Variants in SLC44A5 observed in about 807,000 individuals in gnomAD.
SLC44A5 encodes the protein solute carrier family 44 member 5.
A neutral mutation model predicts 101.8 loss-of-function variants in SLC44A5; 57 were observed. The ratio of observed to expected loss-of-function variants is 0.56; its 90% CI spans 0.45 to 0.70. SLC44A5 has a LOEUF of 0.70. SLC44A5 is among the 30% of genes least tolerant of loss of function. The pLI, the probability that SLC44A5 is intolerant of heterozygous loss-of-function variation, is 0.00. For missense variants in SLC44A5, 737 were observed against 853.1 expected, an observed-to-expected ratio of 0.86 and a Z score of 1.70; for synonymous variants, 281 against 290.9, an observed-to-expected ratio of 0.97 and a Z score of 0.35.
chr1:75,607,013 T>C (rs966986242), intron 1 of SLC44A5, among the ~76,000 whole-genome samples: 1 of 152,050 alleles, frequency 6.6e-6, no homozygotes, highest in African/African-American at 2.4e-5. Context: ...ATACCACCAA[T>C]GTTCTGATGA....
the SLC44A5 span, among the ~76,000 whole-genome samples, chr1:75,678,339 C>T: frequency 6.6e-6 from 1 of 152,188 alleles, no homozygotes; most frequent in Non-Finnish European, 1.5e-5. Context: ...ACAGCAGTAA[C>T]CTCTGCAGAC....
chr1:75,365,701 G>A (rs565576669), intron 3 of SLC44A5, among the ~76,000 whole-genome samples: 3 of 152,138 alleles, frequency 2.0e-5, no homozygotes, highest in Non-Finnish European at 4.4e-5. Context: ...GGAATACTAT[G>A]CAGCCATAAA....
intron 1 of SLC44A5, among the ~76,000 whole-genome samples, chr1:75,563,471 T>C (rs1478766761): frequency 1.3e-5 from 2 of 151,824 alleles, no homozygotes; most frequent in African/African-American, 4.8e-5. Context: ...TGAAATTTTC[T>C]ACTGTATCAT....
the SLC44A5 span, among the ~76,000 whole-genome samples, chr1:75,649,114 G>T: frequency 6.6e-6 from 1 of 152,296 alleles, no homozygotes; most frequent in African/African-American, 2.4e-5. Flanking sequence ...TCTTTACAAT[G>T]ATGACCCAGA....
At chr1:75,585,590 A>G (rs1673946349) in intron 1 of SLC44A5, among the ~76,000 whole-genome samples, 1 of 152,152 alleles carries the variant, frequency 6.6e-6, no homozygotes, top group Non-Finnish European at 1.5e-5. Context: ...CCCACAGCTG[A>G]GAACCACTAT....
intron 2 of SLC44A5, among the ~76,000 whole-genome samples, chr1:75,443,886 T>C (rs1665349057): frequency 6.6e-6 from 1 of 151,942 alleles, no homozygotes; most frequent in African/African-American, 2.4e-5. Context: ...CATTTAAAAA[T>C]AGAAAAATTT....
At chr1:75,507,965 C>A (rs1266276307) in intron 2 of SLC44A5, among the ~76,000 whole-genome samples, 1 of 152,000 alleles carries the variant, frequency 6.6e-6, no homozygotes, top group African/African-American at 2.4e-5. Context: ...GTTAGATAGA[C>A]CATCAAGACA....
At chr1:75,350,215 C>A (rs887298983) in intron 3 of SLC44A5, among the ~76,000 whole-genome samples, 1 of 151,826 alleles carries the variant, frequency 6.6e-6, no homozygotes, top group African/African-American at 2.4e-5. Context: ...GGAAAGGAGA[C>A]CAGTGGTCTC....
At chr1:75,485,843 C>A (rs895880960) in intron 2 of SLC44A5, among the ~76,000 whole-genome samples, 2 of 152,124 alleles carry the variant, frequency 1.3e-5, no homozygotes, top group Non-Finnish European at 2.9e-5. Flanking sequence ...GCAAGGCACA[C>A]TTTACATAGT....
intron 4 of SLC44A5, among the ~76,000 whole-genome samples, chr1:75,312,596 G>T (rs1655392462): frequency 1.3e-5 from 2 of 151,800 alleles, no homozygotes; most frequent in African/African-American, 4.8e-5. Context: ...TTTTGATGTA[G>T]CCCCTCGATC....
At chr1:75,414,250 T>C (rs1255269743) in intron 2 of SLC44A5, among the ~76,000 whole-genome samples, 4 of 151,872 alleles carry the variant, frequency 2.6e-5, no homozygotes. Context: ...ATTTGAATTG[T>C]TATAACACCT....
At chr1:75,590,830 C>T (rs1390104390) in intron 1 of SLC44A5, among the ~76,000 whole-genome samples, 1 of 152,148 alleles carries the variant, frequency 6.6e-6, no homozygotes, top group African/African-American at 2.4e-5. Flanking sequence ...GATTCTAGTG[C>T]CTGACTCCCA....
chr1:75,542,557 G>A (rs1671414107), intron 1 of SLC44A5, among the ~76,000 whole-genome samples: 1 of 151,966 alleles, frequency 6.6e-6, no homozygotes, highest in Admixed American at 6.6e-5. Context: ...GGGTCAAAAA[G>A]GTAGTCTCTC....
rs771943753 is a variant in SLC44A5, at chr1:75,213,892, TTTA to T, written c.1873+24_1873+26del. ...TCCAAGCATCTTTTAAACTTTTTTT[TTTA>T]TTATTTTCATCATGATTACTTACCT... On this transcript the variant is annotated intron_variant, in intron 21 of 23. Coordinates refer to ENST00000370859, the MANE Select transcript of SLC44A5 (RefSeq NM_001130058.2). 1.9e-6 allele frequency: 3 copies of T among 1,547,534 alleles called. No homozygotes were observed. The South Asian group carries it at 3.6e-5, about 18-fold the overall frequency.
At chr1:75,535,463 G>T (rs1670946511) in intron 2 of SLC44A5, among the ~76,000 whole-genome samples, 1 of 152,028 alleles carries the variant, frequency 6.6e-6, no homozygotes, top group African/African-American at 2.4e-5. Flanking sequence ...AATGCCAAAG[G>T]CCCTCAGAAA....
the SLC44A5 span, among the ~76,000 whole-genome samples, chr1:75,671,920 G>A: frequency 8.6e-5 from 13 of 152,028 alleles, no homozygotes; most frequent in African/African-American, 1.9e-4. Context: ...CCTAATATGC[G>A]TTAATGGAAG....
At chr1:75,680,649 A>G in the SLC44A5 span, among the ~76,000 whole-genome samples, 2 of 150,924 alleles carry the variant, frequency 1.3e-5, no homozygotes, top group African/African-American at 4.8e-5. Flanking sequence ...AATGCCCACA[A>G]GAGAAAGCAG....
At chr1:75,214,321 G>C (rs1221741036) in intron 20 of SLC44A5, among the ~76,000 whole-genome samples, 1 of 151,942 alleles carries the variant, frequency 6.6e-6, no homozygotes, top group African/African-American at 2.4e-5. Flanking sequence ...CTGGGAGGGG[G>C]AAAGATGATA....
chr1:75,262,181 A>C (rs559841663), intron 6 of SLC44A5, among the ~76,000 whole-genome samples: 4 of 152,340 alleles, frequency 2.6e-5, no homozygotes, highest in Non-Finnish European at 1.5e-5. Context: ...AAGTATGAAA[A>C]GAGGAAGTCA....
Sources: allele counts gnomAD v4.1 joint callset (sites outside exome capture counted in the v4.1 genomes callset), GRCh38; gene constraint gnomAD v4.1.1; transcripts MANE v1.5; gene names NCBI Gene and HGNC (gene_info 2026-07-23, HGNC 2026-07-21).